Variants in KCNMA1 observed in about 807,000 individuals in gnomAD.
KCNMA1 encodes the protein Calcium-activated potassium channel subunit alpha-1.
In KCNMA1, 29 loss-of-function variants were observed where a neutral mutation model predicts 140.0. That is an observed-to-expected ratio of 0.21 (90% CI 0.15 to 0.28). The LOEUF (loss-of-function observed/expected upper bound fraction) is 0.28, where lower values mean the gene tolerates loss of function less well. Among genes scored for constraint, KCNMA1 ranks in the 10% least tolerant of loss-of-function variants. The pLI is 1.00. For synonymous variants in KCNMA1, 612 were observed against 611.9 expected (o/e 1.00, Z 0.00); for missense variants, 880 against 1,602.2 (o/e 0.55, Z 7.70).
intron 1 of KCNMA1, among the ~76,000 whole-genome samples, chr10:77,508,611 T>C (rs1360093342): frequency 7.0e-6 from 1 of 141,930 alleles, no homozygotes; most frequent in Non-Finnish European, 1.5e-5. Flanking sequence ...AGAGGTGCTC[T>C]CTCCCTCTCT....
intron 1 of KCNMA1, among the ~76,000 whole-genome samples, chr10:77,535,446 G>A (rs965521105): frequency 1.3e-5 from 2 of 152,200 alleles, no homozygotes; most frequent in Non-Finnish European, 2.9e-5. Context: ...CTGTTGGTGG[G>A]AATGTAAATT....
chr10:77,593,951 G>A (rs532069190), intron 1 of KCNMA1, among the ~76,000 whole-genome samples: 44 of 152,300 alleles, frequency 2.9e-4, no homozygotes, highest in African/African-American at 7.5e-4. Context: ...CACAGTCCTC[G>A]CCAGGAGGGG....
intron 12 of KCNMA1, 23 bp from the exon 13 acceptor site, chr10:77,079,573 T>A (rs755659688): frequency 6.6e-7 from 1 of 1,518,542 alleles, no homozygotes; most frequent in Admixed American, 1.7e-5. Flanking sequence ...GAACCAATGC[T>A]GAGACAGGTC....
rs201980542 is a variant in KCNMA1, at chr10:77,112,453, G to A, written c.885-11C>T. 1.9e-6 allele frequency: 3 copies of A among 1,610,228 alleles called. No individual in the cohort carries two copies. The highest frequency in any genetic ancestry group is 2.5e-6 in the Non-Finnish European group (3 of 1,176,730). Reference sequence around the variant, plus strand: ...AGCTTGATGGAATTACTGTGCAAGAGACAACAAGCAAAATCCCCACGTTAC... The same window carrying A: ...AGCTTGATGGAATTACTGTGCAAGAAACAACAAGCAAAATCCCCACGTTAC... On this transcript the variant is annotated splice_polypyrimidine_tract_variant and intron_variant, in intron 6 of 27. Transcript: ENST00000286628.
In KCNMA1 at chr10:76,987,485, A is replaced by G. The variant is rs183869297; in HGVS notation, c.2266+13922T>C. ...TCTGGGCCATACCCTTTTTGTTACA[A>G]TTACTCAGCTTTGCAGTTGTAGCCT... On this transcript the variant is annotated intron_variant, in intron 19 of 27. Coordinates refer to ENST00000286628, the MANE Select transcript of KCNMA1 (RefSeq NM_001161352.2). 2.4e-3 allele frequency among the ~76,000 whole-genome samples: 361 copies of G among 152,258 alleles called. 1 individual carries two copies. Among genetic ancestry groups the G allele is most frequent in the African/African-American group, 8.1e-3 (338 of 41,538 alleles).
intron 1 of KCNMA1, among the ~76,000 whole-genome samples, chr10:77,458,555 A>G (rs901949922): frequency 3.9e-5 from 6 of 152,264 alleles, no homozygotes; most frequent in African/African-American, 1.4e-4. Context: ...AAATTTAATC[A>G]TTTGAAAATA....
intron 19 of KCNMA1, among the ~76,000 whole-genome samples, chr10:76,984,654 A>C (rs2080673589): frequency 6.6e-6 from 1 of 152,222 alleles, no homozygotes; most frequent in Non-Finnish European, 1.5e-5. Context: ...TATTAGATTA[A>C]AATGGGAACT....
At chr10:77,388,493 C>A (rs2095694840) in intron 2 of KCNMA1, among the ~76,000 whole-genome samples, 1 of 152,178 alleles carries the variant, frequency 6.6e-6, no homozygotes, top group Non-Finnish European at 1.5e-5. Context: ...ATTAAAGAGC[C>A]CAGAATTAGA....
At chr10:76,898,078 T>A (rs941309657) in intron 25 of KCNMA1, among the ~76,000 whole-genome samples, 12 of 151,736 alleles carry the variant, frequency 7.9e-5, no homozygotes, top group Admixed American at 3.3e-4. Flanking sequence ...GTAAAAAACA[T>A]AATGCAAGAC....
chr10:77,456,905 C>G (rs79711126), intron 1 of KCNMA1, among the ~76,000 whole-genome samples: 1,919 of 152,294 alleles, frequency 0.013, 23 homozygotes, highest in Admixed American at 0.027. Context: ...TAGACACTGT[C>G]GCTATGGGTG....
intron 1 of KCNMA1, among the ~76,000 whole-genome samples, chr10:77,606,984 C>T (rs2084798336): frequency 6.6e-6 from 1 of 152,152 alleles, no homozygotes; most frequent in South Asian, 2.1e-4. Context: ...CTCCAATAAG[C>T]CCTGGGGCCT....
chr10:77,563,922 T>C (rs1161401730), intron 1 of KCNMA1, among the ~76,000 whole-genome samples: 1 of 152,208 alleles, frequency 6.6e-6, no homozygotes, highest in Non-Finnish European at 1.5e-5. Context: ...AGACTGGGGC[T>C]TATCACATTT....
intron 3 of KCNMA1, among the ~76,000 whole-genome samples, chr10:77,228,842 C>T (rs1348663127): frequency 6.6e-6 from 1 of 152,206 alleles, no homozygotes; most frequent in Admixed American, 6.5e-5. Flanking sequence ...CCCTCACTAC[C>T]ATGGGCGCCA....
intron 1 of KCNMA1, among the ~76,000 whole-genome samples, chr10:77,549,231 T>C (rs1217294902): frequency 1.3e-5 from 2 of 152,190 alleles, no homozygotes; most frequent in Non-Finnish European, 2.9e-5. Context: ...AAAAAGGAAA[T>C]ATGTGTCCTG....
chr10:77,505,930 C>A (rs754291551), intron 1 of KCNMA1, among the ~76,000 whole-genome samples: 3 of 152,060 alleles, frequency 2.0e-5, no homozygotes, highest in African/African-American at 4.8e-5. Flanking sequence ...GCAATGGAAG[C>A]CTGAACTAGA....
At chr10:77,061,052 A>G (rs528572911) in intron 14 of KCNMA1, among the ~76,000 whole-genome samples, 6 of 152,348 alleles carry the variant, frequency 3.9e-5, no homozygotes, top group Admixed American at 1.3e-4. Flanking sequence ...CTAGGTTTGT[A>G]GTAATTTATT....
intron 4 of KCNMA1, among the ~76,000 whole-genome samples, chr10:77,184,453 C>T (rs1466089067): frequency 3.3e-5 from 5 of 152,194 alleles, no homozygotes; most frequent in African/African-American, 9.7e-5. Flanking sequence ...CTCCTGACCT[C>T]AGGTGATTCA....
chr10:77,426,733 C>T (rs1283520005), intron 1 of KCNMA1, among the ~76,000 whole-genome samples: 2 of 152,224 alleles, frequency 1.3e-5, no homozygotes, highest in East Asian at 1.9e-4. Flanking sequence ...TGCTGACCCA[C>T]TTGCCAGGAC....
intron 23 of KCNMA1, among the ~76,000 whole-genome samples, chr10:76,935,552 G>T (rs150218799): frequency 6.6e-6 from 1 of 152,290 alleles, no homozygotes; most frequent in East Asian, 1.9e-4. Context: ...CTCTCCCTCA[G>T]CAGGTTGTCA....
Sources: allele counts gnomAD v4.1 joint callset (sites outside exome capture counted in the v4.1 genomes callset), GRCh38; gene constraint gnomAD v4.1.1; transcripts MANE v1.5; gene names NCBI Gene and HGNC (gene_info 2026-07-23, HGNC 2026-07-21).